The following PPP6R3 variants were observed in gnomAD, a reference collection of about 807,000 sequenced individuals.
PPP6R3 encodes the protein protein phosphatase 6 regulatory subunit 3.
Under a neutral mutation model 110.7 loss-of-function variants are expected in PPP6R3, and 38 were observed. That is an observed-to-expected ratio of 0.34 (90% CI 0.26 to 0.45). The LOEUF is 0.45. PPP6R3 is among the 20% of genes least tolerant of loss of function. The pLI, the probability that PPP6R3 is intolerant of heterozygous loss-of-function variation, is 1.00. For missense variants in PPP6R3, 870 were observed against 1,062.4 expected (o/e 0.82, Z 2.52); for synonymous variants, 369 against 373.5 (o/e 0.99, Z 0.14).
At chr11:68,486,603 TAAA>T (rs61408861) in intron 1 of PPP6R3, among the ~76,000 whole-genome samples, 25 of 111,656 alleles carry the variant, frequency 2.2e-4, no homozygotes, top group African/African-American at 6.6e-4. Flanking sequence ...GACTCTGTCT[TAAA>T]AAAAAAAAAA....
chr11:68,581,037 C>G (rs1163243316), intron 14 of PPP6R3, among the ~76,000 whole-genome samples: 1 of 152,152 alleles, frequency 6.6e-6, no homozygotes, highest in African/African-American at 2.4e-5. Context: ...TCCCAAAGTG[C>G]TGGGATTGCA....
intron 15 of PPP6R3, among the ~76,000 whole-genome samples, chr11:68,583,633 C>G (rs1021271659): frequency 1.3e-5 from 2 of 152,224 alleles, no homozygotes; most frequent in Non-Finnish European, 2.9e-5. Flanking sequence ...AATTTATCAT[C>G]TCCCTTTACC....
In PPP6R3 at chr11:68,563,043, C is replaced by T. The variant is rs1287762544; in HGVS notation, c.846-1260C>T. 2.8e-4 allele frequency among the ~76,000 whole-genome samples: 42 copies of T among 150,824 alleles called. 2 individuals are homozygous for T. Among genetic ancestry groups the T allele is most frequent in the Admixed American group, 2.8e-3 (42 of 15,102 alleles). On this transcript the variant is annotated intron_variant, in intron 8 of 23. Transcript: ENST00000393800. ...AATACCTAGGCTGGATATGGTGGCT[C>T]ATGCCTAGCACTTTGGGAGGCTGAG...
chr11:68,460,871 G>A (rs1420157946), intron 1 of PPP6R3, 44 bp downstream of exon 1: 2 of 151,584 alleles, frequency 1.3e-5, no homozygotes, highest in Non-Finnish European at 2.9e-5. Context: ...GCGGCGCGGG[G>A]TGTGCGAGGC....
chr11:68,544,845 A>G lies in PPP6R3; in HGVS notation c.235A>G (p.Asn79Asp). ...AATATCCTGTTCTTCTAGGTATCCAAATATATCTTGTGAGTTGCTCACTTC... is the reference window on the plus strand; with the variant it reads ...AATATCCTGTTCTTCTAGGTATCCAGATATATCTTGTGAGTTGCTCACTTC... ...MDEKIRYKYP[N>D]ISCELLTSDV... Residue 79 changes from asparagine (N) to aspartate (D), a missense_variant, in exon 4 of 24, where the codon AAT becomes GAT. Asn to Asp is a conservative substitution (Grantham distance 23). Transcript: ENST00000393800. The G allele has an allele frequency of 1.9e-6, 3 of 1,590,552 alleles. No individual in the cohort carries two copies. The highest frequency in any genetic ancestry group is 2.6e-6 in the Non-Finnish European group (3 of 1,160,696).
intron 17 of PPP6R3, among the ~76,000 whole-genome samples, chr11:68,590,992 A>G (rs2156462): frequency 6.6e-6 from 1 of 151,972 alleles, no homozygotes; most frequent in African/African-American, 2.4e-5. Flanking sequence ...TTTGACACCA[A>G]CCCACTGCCT....
chr11:68,529,714 T>C (rs1021041925), intron 2 of PPP6R3, among the ~76,000 whole-genome samples: 1 of 152,180 alleles, frequency 6.6e-6, no homozygotes, highest in East Asian at 1.9e-4. Flanking sequence ...CTTTTTTGAG[T>C]TGAAGAATAT....
chr11:68,477,741 A>AAAAAAATATATATATAT, intron 1 of PPP6R3, among the ~76,000 whole-genome samples: 5 of 57,904 alleles, frequency 8.6e-5, no homozygotes, highest in African/African-American at 2.1e-4. Flanking sequence ...AAAAAAAAAA[A>AAAAAAATATATATATAT]ATATATATAT....
chr11:68,495,872 T>C (rs760572391), intron 1 of PPP6R3, among the ~76,000 whole-genome samples: 6 of 152,260 alleles, frequency 3.9e-5, no homozygotes, highest in Non-Finnish European at 8.8e-5. Flanking sequence ...TTGGGTCATA[T>C]GGAGCTCTGT....
At chr11:68,587,523 G>A (rs968952584) in intron 15 of PPP6R3, 2 of 216,056 alleles carry the variant, frequency 9.3e-6, no homozygotes, top group East Asian at 2.6e-4. Context: ...GGCAAGGAGG[G>A]AGGGGGTGGT....
At position 68,614,821 on chromosome 11, in the gene PPP6R3, G is replaced by C. The variant is rs1594239099; in HGVS notation, c.*1704G>C. 1 of 1,407,698 alleles carries C rather than the reference G, an allele frequency of 7.1e-7. No individual in the cohort carries two copies. The highest frequency in any genetic ancestry group is 2.0e-5 in the Admixed American group (1 of 50,598). The allele number at this position is 1,407,698 out of a possible 1,614,324, so 87.2% of individuals were successfully genotyped here. ...ACCCCCAGAGGACAGGGCTCCTCCT[G>C]CTTGCCTCAGGGCTGCCTGACTTGA... On this transcript the variant is annotated 3_prime_UTR_variant, in exon 24 of 24. Coordinates refer to ENST00000393800, the MANE Select transcript of PPP6R3 (RefSeq NM_001164161.2).
At chr11:68,504,500 C>T (rs527885960) in intron 1 of PPP6R3, among the ~76,000 whole-genome samples, 9 of 152,274 alleles carry the variant, frequency 5.9e-5, no homozygotes, top group East Asian at 3.9e-4. Flanking sequence ...CTGAGTTATA[C>T]GCCATAGGAA....
Position 68,548,193 on chromosome 11 carries a change from G to C in PPP6R3, c.541G>C (p.Asp181His). 6.2e-7 allele frequency: 1 copy of C among 1,614,082 alleles called. No individual in the cohort carries two copies. Among genetic ancestry groups the C allele is most frequent in the Non-Finnish European group, 8.5e-7 (1 of 1,179,996 alleles). The change falls in exon 5 of 24, where the codon GAT (aspartate) becomes CAT (histidine). Residue 181 changes from aspartate to histidine, a missense_variant. Coordinates refer to ENST00000393800, the MANE Select transcript of PPP6R3 (RefSeq NM_001164161.2). ...TATCGAACCTCCACAGCCCAGGCAA[G>C]ATGTGCTGAATGTGAGTAGAATTCT... ...TCIEPPQPRQ[D>H]VLNWLNEEKI... is the part of the protein sequence containing the mutation.
chr11:68,463,449 C>T (rs1047504678), intron 1 of PPP6R3, among the ~76,000 whole-genome samples: 3 of 150,622 alleles, frequency 2.0e-5, no homozygotes, highest in African/African-American at 4.9e-5. Context: ...ACAAGTGTCA[C>T]GATCGGTATT....
At chr11:68,489,021 G>A (rs1292928424) in intron 1 of PPP6R3, among the ~76,000 whole-genome samples, 1 of 146,196 alleles carries the variant, frequency 6.8e-6, no homozygotes, top group Non-Finnish European at 1.5e-5. Context: ...TCCAGGTTTT[G>A]CCTTTTTTTT....
At chr11:68,593,839 C>T (rs954171061) in intron 18 of PPP6R3, among the ~76,000 whole-genome samples, 1 of 151,862 alleles carries the variant, frequency 6.6e-6, no homozygotes, top group Admixed American at 6.6e-5. Context: ...GGCAACATGG[C>T]AAAACCCTGT....
intron 12 of PPP6R3, among the ~76,000 whole-genome samples, chr11:68,572,488 G>T (rs1157940426): frequency 6.6e-6 from 1 of 152,124 alleles, no homozygotes; most frequent in Non-Finnish European, 1.5e-5. Context: ...TGACTCAGTT[G>T]CCTGTAGGTA....
chr11:68,472,921 C>T (rs1393342730), intron 1 of PPP6R3, among the ~76,000 whole-genome samples: 1 of 152,158 alleles, frequency 6.6e-6, no homozygotes, highest in Non-Finnish European at 1.5e-5. Context: ...CAGTATCAGT[C>T]CTTCATTCTT....
chr11:68,504,153 C>T (rs2099062935), intron 1 of PPP6R3, among the ~76,000 whole-genome samples: 1 of 152,140 alleles, frequency 6.6e-6, no homozygotes, highest in South Asian at 2.1e-4. Flanking sequence ...CTGGTTAAAT[C>T]AGCAGTAAAA....
Sources: gnomAD v4.1 joint callset for allele counts (sites outside exome capture counted in the v4.1 genomes callset) on GRCh38, gnomAD v4.1.1 for gene constraint, MANE v1.5 for transcripts, NCBI Gene and HGNC (gene_info 2026-07-23, HGNC 2026-07-21) for gene names.